Variants in SLC14A2 observed in about 807,000 individuals in gnomAD.
The protein encoded by SLC14A2 is urea transporter 2.
In SLC14A2, 91 loss-of-function variants were observed where a neutral mutation model predicts 104.6. That is an observed-to-expected ratio of 0.87 (90% CI 0.73 to 1.04). The LOEUF is 1.04. SLC14A2 is among the 50% of genes least tolerant of loss of function. The probability of loss-of-function intolerance (pLI) is 0.00; values close to 1 mark genes in which losing one functional copy is unlikely to be tolerated. For synonymous variants in SLC14A2, 476 were observed against 466.4 expected (o/e 1.02, Z -0.27); for missense variants, 1,189 against 1,156.0 (o/e 1.03, Z -0.41).
chr18:45,619,980 G>A (rs1445330271), intron 1 of SLC14A2, among the ~76,000 whole-genome samples: 1 of 152,212 alleles, frequency 6.6e-6, no homozygotes, highest in Non-Finnish European at 1.5e-5. Flanking sequence ...GGCAGAGCAG[G>A]GAGGCAGGAG....
At chr18:45,573,557 G>A (rs533736844) in intron 2 of SLC14A2, among the ~76,000 whole-genome samples, 4 of 152,286 alleles carry the variant, frequency 2.6e-5, no homozygotes, top group African/African-American at 7.2e-5. Context: ...TATGTTCAAA[G>A]GGGCTGAAAT....
intron 2 of SLC14A2, among the ~76,000 whole-genome samples, chr18:45,509,862 C>A (rs1190220426): frequency 6.6e-6 from 1 of 152,174 alleles, no homozygotes; most frequent in African/African-American, 2.4e-5. Context: ...ACGGACTGGA[C>A]CTCTGCTGCA....
In SLC14A2 at chr18:45,292,237, C is replaced by T. The variant is rs142988207; in HGVS notation, c.-125+79046C>T. Among the ~76,000 whole-genome samples, 443 of 152,266 alleles carry T rather than the reference C, an allele frequency of 2.9e-3. 1 individual carries two copies. The highest frequency in any genetic ancestry group is 0.01 in the African/African-American group (424 of 41,544). On this transcript the variant is annotated intron_variant, in intron 1 of 20. Transcript: ENST00000586448. ...CACATTGATATGCTAATCCCTATAG[C>T]TGGCAGAATCACTTCATAAAGAGAG...
Position 45,666,916 on chromosome 18 carries a change from C to G in SLC14A2, c.1558-19C>G. The G allele has an allele frequency of 6.2e-7, 1 of 1,610,346 alleles. No homozygotes were observed. Among genetic ancestry groups the G allele is most frequent in the Non-Finnish European group, 8.5e-7 (1 of 1,177,268 alleles). On this transcript the variant is annotated intron_variant, in intron 12 of 19. Transcript: ENST00000255226. ...ACCACCGAATGTGGGAGACTCTTGC[C>G]TATCTCTGTCCTGGACAGGATCTGG...
At chr18:45,208,385 G>A (rs191597415), upstream of SLC14A2, among the ~76,000 whole-genome samples, 6 of 152,254 alleles carry the variant, frequency 3.9e-5, no homozygotes, top group South Asian at 2.1e-4. Context: ...GCTTGCGGAC[G>A]TTCATTTCTG....
Position 45,236,181 on chromosome 18 carries a change from A to G in SLC14A2, c.-125+22990A>G, listed in dbSNP as rs1353553424. Among the ~76,000 whole-genome samples the G allele has an allele frequency of 1.2e-4, 7 of 58,214 alleles. 1 individual carries two copies. Among genetic ancestry groups the G allele is most frequent in the African/African-American group, 4.2e-4 (5 of 11,864 alleles). The allele number at this position is 58,214 out of a possible 152,430, so 38.2% of individuals were successfully genotyped here. On this transcript the variant is annotated intron_variant, in intron 1 of 20. Coordinates refer to the SLC14A2 transcript ENST00000586448. ...TGTATATATGTGTATATATACATAT[A>G]TGTGTGTATATATGTGTATATATAC...
chr18:45,199,881 T>C, the SLC14A2 span, among the ~76,000 whole-genome samples: 35 of 152,260 alleles, frequency 2.3e-4, 1 homozygote, highest in Admixed American at 2.0e-3. Context: ...GGAAAAACCA[T>C]GTTCCTAGAA....
intron 1 of SLC14A2, among the ~76,000 whole-genome samples, chr18:45,307,978 T>G (rs983983919): frequency 7.2e-5 from 11 of 152,140 alleles, no homozygotes; most frequent in African/African-American, 2.7e-4. Flanking sequence ...GGTGAAGAGG[T>G]AGCAGACACA....
chr18:45,207,247 G>T, the SLC14A2 span, among the ~76,000 whole-genome samples: 1 of 151,524 alleles, frequency 6.6e-6, no homozygotes, highest in Non-Finnish European at 1.5e-5. Context: ...ATAGATTCTT[G>T]TTGGAGGAAA....
intron 19 of SLC14A2, 111 bp downstream of exon 19, chr18:45,679,135 C>CT: frequency 2.0e-6 from 2 of 994,492 alleles, no homozygotes; most frequent in Non-Finnish European, 3.1e-6. Flanking sequence ...CCCAGTTCAT[C>CT]TCCCTTATTT....
At chr18:45,677,671 A>T (rs975619532) in intron 18 of SLC14A2, among the ~76,000 whole-genome samples, 2 of 152,226 alleles carry the variant, frequency 1.3e-5, no homozygotes, top group African/African-American at 4.8e-5. Flanking sequence ...ATGTTAATTA[A>T]TGAGGATTCA....
rs572638916 is a variant in SLC14A2 at position 45,615,525 on chromosome 18, C to G, written c.-92C>G. On this transcript the variant is annotated 5_prime_UTR_variant, in exon 1 of 20. Transcript: ENST00000255226. ...ATTTGAGAAGGTCCAAGTTTGCTTC[C>G]CCTTCGCCTTCCACCATGACTGTAA... 1 of 152,214 alleles carries G rather than the reference C, an allele frequency of 6.6e-6. No homozygotes were observed. The highest frequency in any genetic ancestry group is 2.4e-5 in the African/African-American group (1 of 41,424). 9.4% of individuals were successfully genotyped at this position (152,214 alleles called of 1,614,324 possible).
rs1360581235 is a variant in SLC14A2, at chr18:45,325,917, A to C, written c.-125+112726A>C. 2.6e-5 allele frequency among the ~76,000 whole-genome samples: 4 copies of C among 152,296 alleles called. No homozygotes were observed. In the East Asian group the frequency reaches 7.7e-4, roughly 29 times the overall value. On this transcript the variant is annotated intron_variant, in intron 1 of 20. Coordinates refer to the SLC14A2 transcript ENST00000586448. Reference sequence around the variant, plus strand: ...GATCAGTGAGTGAGGGGTGAAGTCCAGGCATAAATACTTTTTAGAGAAAAA... The same window carrying C: ...GATCAGTGAGTGAGGGGTGAAGTCCCGGCATAAATACTTTTTAGAGAAAAA...
intron 1 of SLC14A2, among the ~76,000 whole-genome samples, chr18:45,416,250 CTTTT>C (rs574818783): frequency 5.6e-5 from 7 of 125,224 alleles, no homozygotes; most frequent in Non-Finnish European, 1.2e-4. Context: ...TTTTTGTTTC[CTTTT>C]TTTTTTTTTT....
intron 2 of SLC14A2, among the ~76,000 whole-genome samples, chr18:45,601,615 T>A (rs2044792555): frequency 6.6e-6 from 1 of 152,262 alleles, no homozygotes; most frequent in Admixed American, 6.5e-5. Flanking sequence ...TCAGTCCAAC[T>A]GGCTAGTGCT....
chr18:45,479,626 G>T (rs967487690), intron 1 of SLC14A2, among the ~76,000 whole-genome samples: 4 of 152,106 alleles, frequency 2.6e-5, no homozygotes, highest in Non-Finnish European at 4.4e-5. Flanking sequence ...CTATATAGTC[G>T]GTTTTTCTTT....
chr18:45,369,995 G>A (rs1353364045), intron 1 of SLC14A2, among the ~76,000 whole-genome samples: 1 of 152,162 alleles, frequency 6.6e-6, no homozygotes, highest in Non-Finnish European at 1.5e-5. Flanking sequence ...GAAACTCTAT[G>A]GACTGAGAGC....
chr18:45,654,067 C>T (rs561202885), intron 10 of SLC14A2, among the ~76,000 whole-genome samples: 82 of 151,564 alleles, frequency 5.4e-4, no homozygotes, highest in Non-Finnish European at 8.4e-4. Context: ...CCAACCAGGT[C>T]GGGGGAACCA....
chr18:45,358,585 A>AT (rs974175170), intron 1 of SLC14A2, among the ~76,000 whole-genome samples: 7 of 151,812 alleles, frequency 4.6e-5, no homozygotes, highest in African/African-American at 1.5e-4. Context: ...TTTCCCCATA[A>AT]TTTTTTTTAG....
Sources: allele counts gnomAD v4.1 joint callset (sites outside exome capture counted in the v4.1 genomes callset), GRCh38; gene constraint gnomAD v4.1.1; transcripts MANE v1.5; gene names NCBI Gene and HGNC (gene_info 2026-07-23, HGNC 2026-07-21).